SLC36A1: variants seen among roughly 807,000 people sequenced by gnomAD.
SLC36A1 encodes the protein solute carrier family 36 member 1.
SLC36A1 carries 30 observed loss-of-function variants against 47.5 expected under a neutral mutation model. The ratio of observed to expected loss-of-function variants is 0.63; its 90% CI spans 0.47 to 0.86. The LOEUF (loss-of-function observed/expected upper bound fraction) is 0.86, where lower values mean the gene tolerates loss of function less well. Among genes scored for constraint, SLC36A1 ranks in the 40% least tolerant of loss-of-function variants. SLC36A1 has a pLI of 0.00. For missense variants in SLC36A1, 517 were observed against 606.0 expected (o/e 0.85, Z 1.54); for synonymous variants, 255 against 249.7 (o/e 1.02, Z -0.20).
At chr5:151,532,754 G>T in the SLC36A1 span, among the ~76,000 whole-genome samples, 17,977 of 152,142 alleles carry the variant, frequency 0.12, 2,115 homozygotes, top group African/African-American at 0.31. Context: ...CCATAGTGTA[G>T]GAAAAACACC....
the SLC36A1 span, among the ~76,000 whole-genome samples, chr5:151,360,389 A>C: frequency 6.6e-6 from 1 of 152,350 alleles, no homozygotes; most frequent in East Asian, 1.9e-4. Context: ...TAAGAGAATC[A>C]CAAGGAAGAG....
chr5:151,497,597 T>C, the SLC36A1 span, among the ~76,000 whole-genome samples: 4 of 152,216 alleles, frequency 2.6e-5, no homozygotes, highest in African/African-American at 9.7e-5. Flanking sequence ...TAAGGGTACT[T>C]TTGCCCCAGG....
chr5:151,470,822 C>G (rs1188870176), intron 7 of SLC36A1: 2 of 152,180 alleles, frequency 1.3e-5, no homozygotes, highest in African/African-American at 4.8e-5. Flanking sequence ...CATGCACGTG[C>G]CATTGTAGGT....
chr5:151,499,106 A>G, the SLC36A1 span, among the ~76,000 whole-genome samples: 2 of 152,214 alleles, frequency 1.3e-5, no homozygotes, highest in Non-Finnish European at 2.9e-5. Context: ...TAAGGAGGTG[A>G]CATCACTATA....
chr5:151,356,672 G>A, the SLC36A1 span, among the ~76,000 whole-genome samples: 1 of 152,110 alleles, frequency 6.6e-6, no homozygotes, highest in Non-Finnish European at 1.5e-5. Flanking sequence ...CAAAGACAAG[G>A]AAGCAGTTCA....
At chr5:151,454,358 G>A (rs1288148451) in intron 1 of SLC36A1, among the ~76,000 whole-genome samples, 2 of 152,098 alleles carry the variant, frequency 1.3e-5, no homozygotes, top group African/African-American at 4.8e-5. Context: ...GAGCCTAAGG[G>A]CAGTGTGGCC....
At chr5:151,483,638 A>C (rs1263313461) in intron 10 of SLC36A1, among the ~76,000 whole-genome samples, 1 of 152,152 alleles carries the variant, frequency 6.6e-6, no homozygotes, top group Non-Finnish European at 1.5e-5. Context: ...ATTTAGTGCC[A>C]GAAGGGGTTT....
At chr5:151,540,755 G>A in the SLC36A1 span, 3 of 1,613,434 alleles carry the variant, frequency 1.9e-6, no homozygotes, top group African/African-American at 2.7e-5. Flanking sequence ...TGGCCCAGGG[G>A]GTCTCCCTCT....
chr5:151,458,811 C>A lies in SLC36A1; in HGVS notation c.19C>A (p.Arg7=). ...AGCTGCCATGTCCACGCAGAGACTT[C>A]GGAATGAAGACTACCACGACTACAG... MSTQRL[R]NEDYHDYSST... The change falls in exon 2 of 11, where the codon CGG becomes AGG. Residue 7 remains arginine (R), a synonymous_variant. Transcript: ENST00000243389. The A allele has an allele frequency of 9.3e-6, 15 of 1,613,952 alleles. No homozygotes were observed. Among genetic ancestry groups the A allele is most frequent in the Non-Finnish European group, 1.3e-5 (15 of 1,179,924 alleles).
intron 1 of SLC36A1, among the ~76,000 whole-genome samples, chr5:151,456,043 A>T (rs1410257486): frequency 1.3e-5 from 2 of 152,202 alleles, no homozygotes; most frequent in Non-Finnish European, 2.9e-5. Context: ...CTCACATTTT[A>T]GTGCCTCTCT....
the SLC36A1 span, among the ~76,000 whole-genome samples, chr5:151,548,969 A>G: frequency 6.6e-5 from 10 of 152,340 alleles, no homozygotes; most frequent in African/African-American, 2.4e-4. Context: ...GTGTTCTAAG[A>G]TACATGCATG....
downstream of SLC36A1, among the ~76,000 whole-genome samples, chr5:151,494,406 A>G (rs973901166): frequency 1.3e-5 from 2 of 152,242 alleles, no homozygotes; most frequent in Non-Finnish European, 2.9e-5. Flanking sequence ...ATCAAGATAC[A>G]GAATGTTTCC....
the SLC36A1 span, among the ~76,000 whole-genome samples, chr5:151,367,374 T>TTTTTTTTTTTTTTTTTTTTA: frequency 6.9e-6 from 1 of 145,466 alleles, no homozygotes; most frequent in Non-Finnish European, 1.5e-5. Context: ...TTTTTTTTTT[T>TTTTTTTTTTTTTTTTTTTTA]CCCCAGGGTA....
Position 151,489,007 on chromosome 5 carries a change from A to G in SLC36A1, c.*753A>G, listed in dbSNP as rs1759889366. The stretch of plus-strand genomic sequence containing the variant: ...AGACTGTCTTAGATCTGGGGCTATT[A>G]CGAATCACTTCTTCTTCAGTAAACT... On this transcript the variant is annotated 3_prime_UTR_variant, in exon 11 of 11. Coordinates refer to ENST00000243389, the MANE Select transcript of SLC36A1 (RefSeq NM_078483.4). This position sits in a 1 kb window ranked among gnomAD's most constrained non-coding sequence, Gnocchi z 4.5. 6.6e-6 allele frequency: 1 copy of G among 152,178 alleles called. No individual in the cohort carries two copies. Among genetic ancestry groups the G allele is most frequent in the South Asian group, 2.1e-4 (1 of 4,828 alleles). The allele number at this position is 152,178 out of a possible 1,614,324, so 9.4% of individuals were successfully genotyped here.
chr5:151,537,731 A>G, the SLC36A1 span: 6 of 1,495,072 alleles, frequency 4.0e-6, no homozygotes, highest in African/African-American at 8.3e-5. Context: ...ATACCATGGC[A>G]CTGGGCACTT....
At chr5:151,352,203 GTTAT>G in the SLC36A1 span, among the ~76,000 whole-genome samples, 1 of 152,042 alleles carries the variant, frequency 6.6e-6, no homozygotes, top group African/African-American at 2.4e-5. Context: ...TGCTTGACTA[GTTAT>G]TCTCAGTCAT....
chr5:151,396,722 G>A, the SLC36A1 span, among the ~76,000 whole-genome samples: 2 of 152,146 alleles, frequency 1.3e-5, no homozygotes, highest in African/African-American at 4.8e-5. Context: ...TAATAACTTA[G>A]TGAGTCTCTT....
At chr5:151,376,289 A>G in the SLC36A1 span, among the ~76,000 whole-genome samples, 1 of 152,234 alleles carries the variant, frequency 6.6e-6, no homozygotes, top group Admixed American at 6.5e-5. Context: ...TATGTGATAA[A>G]TCACAGTTAT....
the SLC36A1 span, among the ~76,000 whole-genome samples, chr5:151,428,821 C>T: frequency 2.6e-5 from 4 of 152,116 alleles, no homozygotes; most frequent in East Asian, 3.9e-4. Context: ...TTAGTAGAGA[C>T]GGGGTTTCAC....
Sources: gnomAD v4.1 joint callset for allele counts (sites outside exome capture counted in the v4.1 genomes callset) on GRCh38, gnomAD v4.1.1 for gene constraint, Gnocchi (gnomAD v3.1) non-coding constraint, MANE v1.5 for transcripts, NCBI Gene and HGNC (gene_info 2026-07-23, HGNC 2026-07-21) for gene names.